The following SLC24A2 variants were observed in gnomAD, a reference collection of about 807,000 sequenced individuals.
SLC24A2 encodes the protein solute carrier family 24 member 2.
SLC24A2 carries 36 observed loss-of-function variants against 62.0 expected under a neutral mutation model. The observed-to-expected ratio is 0.58, with a 90% CI of 0.44 to 0.77. SLC24A2 has a LOEUF of 0.77. Ranked by LOEUF, SLC24A2 falls within the 30% of genes least tolerant of loss-of-function variation. The pLI, the probability that SLC24A2 is intolerant of heterozygous loss-of-function variation, is 0.00. For missense variants in SLC24A2, 846 were observed against 817.9 expected, an observed-to-expected ratio of 1.03 and a Z score of -0.42; for synonymous variants, 358 against 294.0, an observed-to-expected ratio of 1.22 and a Z score of -2.23.
At chr9:19,785,399 T>G (rs1823132763) in intron 2 of SLC24A2, among the ~76,000 whole-genome samples, 1 of 152,210 alleles carries the variant, frequency 6.6e-6, no homozygotes, top group Admixed American at 6.5e-5. Flanking sequence ...AAGACATGAT[T>G]GTGTCAATCA....
chr9:19,933,890 C>A, the SLC24A2 span, among the ~76,000 whole-genome samples: 1 of 152,080 alleles, frequency 6.6e-6, no homozygotes, highest in African/African-American at 2.4e-5. Context: ...TAGTATGATT[C>A]CATTTATGTG....
At chr9:19,766,031 T>C (rs1362541255) in intron 2 of SLC24A2, among the ~76,000 whole-genome samples, 1 of 152,218 alleles carries the variant, frequency 6.6e-6, no homozygotes, top group Non-Finnish European at 1.5e-5. Flanking sequence ...TCTTCATGCT[T>C]TATTTCATTA....
At chr9:20,136,433 G>C in the SLC24A2 span, among the ~76,000 whole-genome samples, 1 of 151,994 alleles carries the variant, frequency 6.6e-6, no homozygotes, top group Non-Finnish European at 1.5e-5. Flanking sequence ...AAGTGACCAA[G>C]GGCAACCCAA....
At chr9:19,762,101 G>A (rs56953410) in intron 2 of SLC24A2, among the ~76,000 whole-genome samples, 1,571 of 152,036 alleles carry the variant, frequency 0.01, 35 homozygotes, top group African/African-American at 0.034. Flanking sequence ...CCCACCAAGA[G>A]TGCAAAAGTG....
At chr9:20,145,381 C>T in the SLC24A2 span, among the ~76,000 whole-genome samples, 2 of 152,042 alleles carry the variant, frequency 1.3e-5, no homozygotes, top group East Asian at 3.9e-4. Flanking sequence ...CTTTTACCCC[C>T]ATGCATTTGG....
At chr9:19,578,531 C>G (rs1392368032) in intron 5 of SLC24A2, among the ~76,000 whole-genome samples, 1 of 134,042 alleles carries the variant, frequency 7.5e-6, no homozygotes, top group Non-Finnish European at 1.6e-5. Flanking sequence ...AACACCACAA[C>G]CCCTACAGTT....
the SLC24A2 span, among the ~76,000 whole-genome samples, chr9:20,280,830 C>T: frequency 0.11 from 17,112 of 152,156 alleles, 1,029 homozygotes; most frequent in Admixed American, 0.13. Context: ...AAGACACAGA[C>T]ACAGAGGTGA....
the SLC24A2 span, among the ~76,000 whole-genome samples, chr9:20,256,137 G>A: frequency 4.8e-4 from 73 of 152,288 alleles, no homozygotes; most frequent in Non-Finnish European, 8.4e-4. Flanking sequence ...CTGCCCTCAT[G>A]GCCTGATCAT....
chr9:19,897,441 A>G, the SLC24A2 span, among the ~76,000 whole-genome samples: 1,431 of 152,276 alleles, frequency 9.4e-3, 11 homozygotes, highest in Non-Finnish European at 0.013. Flanking sequence ...TTAAAAGCCA[A>G]TTTGAGGAAG....
chr9:20,031,972 G>C, the SLC24A2 span, among the ~76,000 whole-genome samples: 8 of 152,316 alleles, frequency 5.3e-5, no homozygotes, highest in East Asian at 1.2e-3. Flanking sequence ...AGAGAACCTA[G>C]AGTTGAGAGG....
At chr9:19,873,536 C>CTCTTTCTTTCTTTCTT in the SLC24A2 span, among the ~76,000 whole-genome samples, 200 of 137,126 alleles carry the variant, frequency 1.5e-3, 2 homozygotes, top group African/African-American at 5.6e-3. Flanking sequence ...TCCTTTCTTT[C>CTCTTTCTTTCTTTCTT]TCTTTCTTTC....
the SLC24A2 span, among the ~76,000 whole-genome samples, chr9:19,806,661 A>T: frequency 6.6e-6 from 1 of 152,152 alleles, no homozygotes; most frequent in South Asian, 2.1e-4. Context: ...TAATATAACA[A>T]AGGTCAGTGA....
chr9:19,872,119 GA>G, the SLC24A2 span, among the ~76,000 whole-genome samples: 3 of 152,122 alleles, frequency 2.0e-5, no homozygotes, highest in Non-Finnish European at 4.4e-5. Flanking sequence ...TGGTGGCTAG[GA>G]TGGTATGGTC....
At chr9:20,241,013 T>G in the SLC24A2 span, among the ~76,000 whole-genome samples, 1 of 152,202 alleles carries the variant, frequency 6.6e-6, no homozygotes, top group East Asian at 1.9e-4. Flanking sequence ...ATCTCCTCCC[T>G]CAGATCCACT....
At chr9:20,180,600 A>G in the SLC24A2 span, among the ~76,000 whole-genome samples, 1 of 152,144 alleles carries the variant, frequency 6.6e-6, no homozygotes, top group Non-Finnish European at 1.5e-5. Context: ...GATTATTGGC[A>G]TGGCTGAATG....
chr9:19,711,546 T>C (rs931242625), intron 2 of SLC24A2, among the ~76,000 whole-genome samples: 5 of 152,248 alleles, frequency 3.3e-5, no homozygotes, highest in Non-Finnish European at 7.3e-5. Context: ...ATTCTTATCT[T>C]AGTTTTGTTG....
At chr9:19,904,320 C>A in the SLC24A2 span, among the ~76,000 whole-genome samples, 2 of 152,184 alleles carry the variant, frequency 1.3e-5, no homozygotes, top group African/African-American at 4.8e-5. Flanking sequence ...TCCTCTAACC[C>A]ATCATGAGAT....
At chr9:19,724,870 T>G (rs1414939510) in intron 2 of SLC24A2, among the ~76,000 whole-genome samples, 2 of 152,134 alleles carry the variant, frequency 1.3e-5, no homozygotes, top group Admixed American at 1.3e-4. Flanking sequence ...TAGATACCAT[T>G]AAAGGGAGAC....
At chr9:19,696,323 C>G (rs1357845582) in intron 2 of SLC24A2, among the ~76,000 whole-genome samples, 1 of 152,182 alleles carries the variant, frequency 6.6e-6, no homozygotes, top group Admixed American at 6.5e-5. Context: ...AGGATTCATA[C>G]TCGTCTACCA....
Sources: gnomAD v4.1 joint callset for allele counts (sites outside exome capture counted in the v4.1 genomes callset) on GRCh38, gnomAD v4.1.1 for gene constraint, MANE v1.5 for transcripts, NCBI Gene and HGNC (gene_info 2026-07-23, HGNC 2026-07-21) for gene names.